Variants in SPATA16 observed in about 807,000 individuals in gnomAD.
The protein encoded by SPATA16 is spermatogenesis-associated protein 16.
In SPATA16, 36 loss-of-function variants were observed where a neutral mutation model predicts 63.3. The observed-to-expected ratio is 0.57, with a 90% CI of 0.44 to 0.75. The LOEUF (loss-of-function observed/expected upper bound fraction) is 0.75, where lower values mean the gene tolerates loss of function less well. Ranked by LOEUF, SPATA16 falls within the 30% of genes least tolerant of loss-of-function variation. The probability of loss-of-function intolerance (pLI) is 0.00; values close to 1 mark genes in which losing one functional copy is unlikely to be tolerated. For missense variants in SPATA16, 646 were observed against 679.3 expected (o/e 0.95, Z 0.54); for synonymous variants, 203 against 216.7 (o/e 0.94, Z 0.56).
chr3:172,925,865 G>T (rs994878580), intron 6 of SPATA16, among the ~76,000 whole-genome samples: 1 of 151,530 alleles, frequency 6.6e-6, no homozygotes, highest in African/African-American at 2.4e-5. Context: ...TGCTCTTGTC[G>T]CCCAGGCTGG....
chr3:173,072,681 T>A (rs1736702518), intron 2 of SPATA16, among the ~76,000 whole-genome samples: 1 of 152,152 alleles, frequency 6.6e-6, no homozygotes, highest in Non-Finnish European at 1.5e-5. Context: ...GTCCACTAGA[T>A]CTCTTTTTCT....
chr3:172,963,896 G>A (rs974954839), intron 5 of SPATA16, among the ~76,000 whole-genome samples: 3 of 152,244 alleles, frequency 2.0e-5, no homozygotes, highest in African/African-American at 7.2e-5. Context: ...TTCTTCTACA[G>A]TGAGCAACAT....
intron 2 of SPATA16, among the ~76,000 whole-genome samples, chr3:173,101,771 A>G (rs955662559): frequency 6.6e-6 from 1 of 152,152 alleles, no homozygotes; most frequent in Admixed American, 6.6e-5. Flanking sequence ...ATCCAAGAGT[A>G]TTACTCCTGG....
chr3:173,034,023 A>T (rs1330613256), intron 3 of SPATA16, among the ~76,000 whole-genome samples: 1 of 152,108 alleles, frequency 6.6e-6, no homozygotes, highest in African/African-American at 2.4e-5. Context: ...TTTTAGAATG[A>T]TTACTTTGAA....
At chr3:173,055,168 C>T (rs1736191768) in intron 2 of SPATA16, among the ~76,000 whole-genome samples, 1 of 152,086 alleles carries the variant, frequency 6.6e-6, no homozygotes, top group Non-Finnish European at 1.5e-5. Context: ...ATTGCAAAAA[C>T]TGAGAATGTT....
intron 3 of SPATA16, among the ~76,000 whole-genome samples, chr3:173,048,482 A>G (rs1736006358): frequency 6.6e-6 from 1 of 152,106 alleles, no homozygotes; most frequent in Non-Finnish European, 1.5e-5. Flanking sequence ...ACAGAGATAA[A>G]AAGTATTTCA....
intron 8 of SPATA16, among the ~76,000 whole-genome samples, chr3:172,918,782 C>G (rs1028206351): frequency 3.3e-5 from 5 of 151,948 alleles, no homozygotes; most frequent in Non-Finnish European, 7.4e-5. Flanking sequence ...AAAGTGGCCA[C>G]GACTGAAGCT....
intron 2 of SPATA16, among the ~76,000 whole-genome samples, chr3:173,057,114 T>TG (rs1736252578): frequency 7.4e-6 from 1 of 135,614 alleles, no homozygotes; most frequent in African/African-American, 2.7e-5. Context: ...TCTTTTCTTT[T>TG]CTTTTTTTTT....
intron 4 of SPATA16, among the ~76,000 whole-genome samples, chr3:173,004,567 A>G (rs1444787985): frequency 6.6e-6 from 1 of 152,192 alleles, no homozygotes; most frequent in Non-Finnish European, 1.5e-5. Context: ...TAGACTTGGA[A>G]TAAGTTGGGG....
At chr3:172,946,510 T>C (rs1733292498) in intron 6 of SPATA16, among the ~76,000 whole-genome samples, 1 of 152,160 alleles carries the variant, frequency 6.6e-6, no homozygotes, top group African/African-American at 2.4e-5. Context: ...ACAAGCTGGC[T>C]GAAGAGCTCT....
At chr3:172,924,077 G>C in intron 8 of SPATA16, 131 bp downstream of exon 8, 2 of 720,450 alleles carry the variant, frequency 2.8e-6, no homozygotes, top group Non-Finnish European at 4.6e-6. Context: ...GCTTGTTTTT[G>C]CAAATGAGAT....
chr3:172,925,898 T>G (rs1049164092), intron 6 of SPATA16, among the ~76,000 whole-genome samples: 1 of 152,176 alleles, frequency 6.6e-6, no homozygotes, highest in African/African-American at 2.4e-5. Flanking sequence ...CAATTTTGGC[T>G]CACTGCAACC....
intron 2 of SPATA16, among the ~76,000 whole-genome samples, chr3:173,102,647 C>G (rs751136054): frequency 4.6e-5 from 7 of 152,314 alleles, no homozygotes; most frequent in South Asian, 4.1e-4. Flanking sequence ...ACACCTCCCC[C>G]CAGGCCCCAC....
chr3:173,110,764 C>T (rs768665311), intron 2 of SPATA16, among the ~76,000 whole-genome samples: 2 of 152,172 alleles, frequency 1.3e-5, no homozygotes, highest in Non-Finnish European at 2.9e-5. Flanking sequence ...GTGCCCTGTC[C>T]ATCACAGCTC....
intron 3 of SPATA16, among the ~76,000 whole-genome samples, chr3:173,046,595 A>G (rs1735960411): frequency 6.6e-6 from 1 of 152,044 alleles, no homozygotes; most frequent in African/African-American, 2.4e-5. Context: ...AAATAAATGC[A>G]AAAAAGGAAT....
rs1355032221 is a variant in SPATA16 at position 173,105,658 on chromosome 3, T to A, written c.612+11462A>T. 7.9e-5 allele frequency among the ~76,000 whole-genome samples: 12 copies of A among 152,312 alleles called. No homozygotes were observed. In the East Asian group the frequency reaches 1.9e-3, roughly 25 times the overall value. The stretch of plus-strand genomic sequence containing the variant: ...CCTGTGCTTCCGGCATGTTTCCAGC[T>A]AACAAATGTGCTGCTCCAACTGGGC... On this transcript the variant is annotated intron_variant, in intron 2 of 10. Transcript: ENST00000351008.
intron 6 of SPATA16, among the ~76,000 whole-genome samples, chr3:172,937,444 G>T (rs1259425714): frequency 6.6e-6 from 1 of 152,134 alleles, no homozygotes; most frequent in Non-Finnish European, 1.5e-5. Context: ...ACAATCCCTT[G>T]GCTATTATTA....
intron 10 of SPATA16, among the ~76,000 whole-genome samples, chr3:172,908,661 C>T (rs1280405358): frequency 6.6e-6 from 1 of 151,982 alleles, no homozygotes; most frequent in Non-Finnish European, 1.5e-5. Flanking sequence ...TCTGACAGAC[C>T]CTTTAACTAT....
At chr3:173,006,928 A>G (rs1030936539) in intron 4 of SPATA16, among the ~76,000 whole-genome samples, 2 of 152,190 alleles carry the variant, frequency 1.3e-5, no homozygotes, top group African/African-American at 2.4e-5. Flanking sequence ...CAGACCCTAA[A>G]TGTTATACTA....
Sources: allele counts gnomAD v4.1 joint callset (sites outside exome capture counted in the v4.1 genomes callset), GRCh38; gene constraint gnomAD v4.1.1; transcripts MANE v1.5; gene names NCBI Gene and HGNC (gene_info 2026-07-23, HGNC 2026-07-21).